The following CD2AP variants were observed in gnomAD, a reference collection of about 807,000 sequenced individuals.
CD2AP encodes the protein CD2 associated protein.
Under a neutral mutation model 85.1 loss-of-function variants are expected in CD2AP, and 46 were observed. The observed-to-expected ratio is 0.54, with a 90% confidence interval of 0.43 to 0.69. The LOEUF (loss-of-function observed/expected upper bound fraction) is 0.69, where lower values mean the gene tolerates loss of function less well. CD2AP is among the 30% of genes least tolerant of loss of function. The pLI, the probability that CD2AP is intolerant of heterozygous loss-of-function variation, is 0.00. For missense variants in CD2AP, 769 were observed against 729.5 expected (o/e 1.05, Z -0.62); for synonymous variants, 255 against 252.9 (o/e 1.01, Z -0.08).
chr6:47,565,539 G>T (rs577505170), intron 5 of CD2AP, among the ~76,000 whole-genome samples: 76 of 151,830 alleles, frequency 5.0e-4, no homozygotes, highest in Middle Eastern at 3.4e-3. Context: ...TGTCTAATAG[G>T]CATCTTAAAC....
chr6:47,623,415 C>T (rs1269009004), intron 17 of CD2AP, among the ~76,000 whole-genome samples: 1 of 152,128 alleles, frequency 6.6e-6, no homozygotes, highest in Non-Finnish European at 1.5e-5. Context: ...AATATAAAAA[C>T]CATGGGCTTT....
chr6:47,596,134 T>A, intron 12 of CD2AP, 108 bp downstream of exon 12: 1 of 805,908 alleles, frequency 1.2e-6, no homozygotes, highest in South Asian at 1.5e-5. Context: ...ATTTTTCAGT[T>A]ATATTTATTT....
chr6:47,556,199 T>C (rs1030216551), intron 5 of CD2AP, among the ~76,000 whole-genome samples: 28 of 151,586 alleles, frequency 1.8e-4, no homozygotes, highest in Non-Finnish European at 2.8e-4. Flanking sequence ...AATGCTATCC[T>C]TCCCCTTGCG....
chr6:47,576,507 AT>A lies in CD2AP; in HGVS notation c.730-10del. The A allele has an allele frequency of 3.2e-6, 5 of 1,560,904 alleles. No homozygotes were observed. Among genetic ancestry groups the A allele is most frequent in the Non-Finnish European group, 4.4e-6 (5 of 1,132,386 alleles). On this transcript the variant is annotated splice_polypyrimidine_tract_variant and intron_variant, in intron 6 of 17. Coordinates refer to ENST00000359314, the MANE Select transcript of CD2AP (RefSeq NM_012120.3). ...ATTCTATCTTAAAATAGTTTATGCC[AT>A]TTTTTTCTATTCTAGCCCTTAATCC... is the stretch of plus-strand genomic sequence containing the variant.
chr6:47,491,579 G>C (rs1036430003), intron 1 of CD2AP, among the ~76,000 whole-genome samples: 2 of 152,032 alleles, frequency 1.3e-5, no homozygotes, highest in African/African-American at 4.8e-5. Flanking sequence ...AGAATTAAAA[G>C]TAAACATTCT....
intron 2 of CD2AP, among the ~76,000 whole-genome samples, chr6:47,528,757 G>A (rs1766793216): frequency 6.6e-6 from 1 of 152,150 alleles, no homozygotes; most frequent in Non-Finnish European, 1.5e-5. Context: ...AGAGGCAAAG[G>A]ATGTCTCACC....
At chr6:47,492,680 A>C (rs1259562719) in intron 1 of CD2AP, among the ~76,000 whole-genome samples, 1 of 152,120 alleles carries the variant, frequency 6.6e-6, no homozygotes, top group Non-Finnish European at 1.5e-5. Context: ...TAATAAATGT[A>C]AGGTCTGTAG....
intron 5 of CD2AP, among the ~76,000 whole-genome samples, chr6:47,571,577 A>G (rs936526925): frequency 2.0e-5 from 3 of 152,172 alleles, no homozygotes; most frequent in African/African-American, 7.2e-5. Context: ...TGAGAACTAT[A>G]TGTAGAGAGC....
At chr6:47,539,418 G>A (rs1767145920) in intron 3 of CD2AP, among the ~76,000 whole-genome samples, 1 of 152,166 alleles carries the variant, frequency 6.6e-6, no homozygotes, top group African/African-American at 2.4e-5. Flanking sequence ...GCCTTTGGCA[G>A]ACCCACAGAA....
chr6:47,546,766 A>G (rs1186538135), intron 4 of CD2AP, among the ~76,000 whole-genome samples: 3 of 152,302 alleles, frequency 2.0e-5, no homozygotes, highest in East Asian at 3.9e-4. Context: ...AAGAATCTTA[A>G]GAGCTGTGAG....
chr6:47,509,481 G>A (rs988831639), intron 2 of CD2AP, among the ~76,000 whole-genome samples: 11 of 151,922 alleles, frequency 7.2e-5, no homozygotes, highest in Non-Finnish European at 1.0e-4. Context: ...GCAGTGAAGC[G>A]AAGTGCAGTA....
chr6:47,579,351 T>A (rs768441101), intron 8 of CD2AP, 34 bp from the exon 9 acceptor site: 13 of 840,176 alleles, frequency 1.5e-5, no homozygotes, highest in African/African-American at 3.9e-5. Context: ...AAAAAAAAGG[T>A]CTATTGTCTT....
At chr6:47,605,708 A>G (rs1769252337) in intron 13 of CD2AP, among the ~76,000 whole-genome samples, 1 of 152,056 alleles carries the variant, frequency 6.6e-6, no homozygotes, top group Non-Finnish European at 1.5e-5. Flanking sequence ...GTGCCAGATA[A>G]AGTTTAATTC....
chr6:47,610,371 T>A (rs1429368220), intron 16 of CD2AP, among the ~76,000 whole-genome samples: 2 of 152,114 alleles, frequency 1.3e-5, no homozygotes, highest in African/African-American at 4.8e-5. Flanking sequence ...GTCTTCAAAT[T>A]CCCTTCTAAA....
chr6:47,504,967 G>A (rs1372336238), intron 2 of CD2AP, among the ~76,000 whole-genome samples: 3 of 142,484 alleles, frequency 2.1e-5, no homozygotes, highest in Non-Finnish European at 3.0e-5. Context: ...GTTGATGACT[G>A]TTGACTTAGT....
In CD2AP at chr6:47,479,721, C is replaced by T. The variant is rs552917735; in HGVS notation, c.4+1473C>T. ...AAATGGGATGCAGAATAAAATTAAA[C>T]TACTTTGGATGACCTGGGGATGCAG... is the stretch of plus-strand genomic sequence containing the variant. On this transcript the variant is annotated intron_variant, in intron 1 of 17. Transcript: ENST00000359314. 2.0e-5 allele frequency among the ~76,000 whole-genome samples: 3 copies of T among 152,232 alleles called. 1 individual carries two copies. The South Asian group carries it at 6.2e-4, about 32-fold the overall frequency.
chr6:47,578,029 CAT>C (rs1276990985), intron 8 of CD2AP, among the ~76,000 whole-genome samples: 2 of 134,882 alleles, frequency 1.5e-5, no homozygotes, highest in Middle Eastern at 4.1e-3. Context: ...TGTCATCTCA[CAT>C]AGTTACCTTT....
chr6:47,596,412 C>T (rs1010307680), intron 12 of CD2AP, among the ~76,000 whole-genome samples: 6 of 152,110 alleles, frequency 3.9e-5, no homozygotes, highest in African/African-American at 1.4e-4. Context: ...CATCTTCCCA[C>T]TCCCCTCCAA....
At chr6:47,497,803 T>A (rs1028616151) in intron 1 of CD2AP, among the ~76,000 whole-genome samples, 15 of 152,244 alleles carry the variant, frequency 9.9e-5, no homozygotes, top group Non-Finnish European at 1.9e-4. Context: ...GACTTTCTTG[T>A]CTCTGAGTTC....
Sources: allele counts gnomAD v4.1 joint callset (sites outside exome capture counted in the v4.1 genomes callset), GRCh38; gene constraint gnomAD v4.1.1; transcripts MANE v1.5; gene names NCBI Gene and HGNC (gene_info 2026-07-23, HGNC 2026-07-21).